Variants in CRPPA observed in about 807,000 individuals in gnomAD.
The protein encoded by CRPPA is CDP-L-ribitol pyrophosphorylase A.
In CRPPA, 43 loss-of-function variants were observed where a neutral mutation model predicts 52.0. That is an observed-to-expected ratio of 0.83 (90% CI 0.65 to 1.07). The LOEUF (loss-of-function observed/expected upper bound fraction) is 1.07, where lower values mean the gene tolerates loss of function less well. Among genes scored for constraint, CRPPA ranks in the 50% least tolerant of loss-of-function variants. The probability of loss-of-function intolerance (pLI) is 0.00; values close to 1 mark genes in which losing one functional copy is unlikely to be tolerated. For missense variants in CRPPA, 629 were observed against 551.7 expected, an observed-to-expected ratio of 1.14 and a Z score of -1.40; for synonymous variants, 250 against 203.5, an observed-to-expected ratio of 1.23 and a Z score of -1.94.
At chr7:16,106,301 C>T (rs1164539575) in intron 9 of CRPPA, among the ~76,000 whole-genome samples, 1 of 152,212 alleles carries the variant, frequency 6.6e-6, no homozygotes, top group Non-Finnish European at 1.5e-5. Flanking sequence ...AGAGCATAGC[C>T]TCTCTTCTGA....
chr7:16,133,068 G>T lies in CRPPA; in HGVS notation c.1252-41269C>A, dbSNP rs534674270. ...GCTACTTGGGATACTGAGGTGGGGG[G>T]ATCACTTGAGCTTGGGATGTCAAAG... On this transcript the variant is annotated intron_variant, in intron 9 of 9. Transcript: ENST00000407010. Among the ~76,000 whole-genome samples the T allele has an allele frequency of 3.2e-4, 39 of 122,530 alleles. 10 individuals carry two copies. The highest frequency in any genetic ancestry group is 1.1e-3 in the Admixed American group (13 of 11,988). 80.4% of individuals were successfully genotyped at this position (122,530 alleles called of 152,430 possible).
At chr7:16,418,874 T>C (rs114827942) in intron 1 of CRPPA, among the ~76,000 whole-genome samples, 2,920 of 152,250 alleles carry the variant, frequency 0.019, 86 homozygotes, top group African/African-American at 0.067. Flanking sequence ...CCTCAGAAGA[T>C]GCAAAAAATT....
intron 8 of CRPPA, among the ~76,000 whole-genome samples, chr7:16,221,298 G>A (rs1230870422): frequency 6.6e-6 from 1 of 152,114 alleles, no homozygotes; most frequent in Non-Finnish European, 1.5e-5. Flanking sequence ...ATCAATTCAA[G>A]ATGGATTAAA....
chr7:16,116,027 T>C (rs146794782), intron 9 of CRPPA, among the ~76,000 whole-genome samples: 140 of 152,300 alleles, frequency 9.2e-4, no homozygotes, highest in African/African-American at 3.1e-3. Flanking sequence ...ACAAGAATCA[T>C]TGATGCATGA....
chr7:16,410,379 A>C (rs931935599), intron 1 of CRPPA, among the ~76,000 whole-genome samples: 7 of 152,220 alleles, frequency 4.6e-5, no homozygotes, highest in African/African-American at 1.7e-4. Flanking sequence ...TGCAGAACTT[A>C]GACTGCACTC....
At chr7:16,095,883 G>A (rs934970609) in intron 9 of CRPPA, among the ~76,000 whole-genome samples, 4 of 152,162 alleles carry the variant, frequency 2.6e-5, no homozygotes, top group Non-Finnish European at 1.5e-5. Flanking sequence ...CATGCCCAAG[G>A]AGAAACTCAA....
intron 8 of CRPPA, among the ~76,000 whole-genome samples, chr7:16,240,745 T>C (rs1279043870): frequency 3.9e-5 from 6 of 152,154 alleles, no homozygotes; most frequent in Non-Finnish European, 7.4e-5. Flanking sequence ...AAAACACATT[T>C]TCCTAGTCTA....
intron 9 of CRPPA, among the ~76,000 whole-genome samples, chr7:16,170,857 G>T (rs903241668): frequency 6.6e-6 from 1 of 152,196 alleles, no homozygotes. Context: ...GCCGGCAGCC[G>T]CTCCGAGTGT....
At position 16,108,135 on chromosome 7, in the gene CRPPA, C is replaced by G. The variant is rs551022510; in HGVS notation, c.1252-16336G>C. Reference sequence around the variant, plus strand: ...ATGGCAGTAGTAAATCCTTACCTATCAATAATTGCCAAGAACATAAATGAA... The same window carrying G: ...ATGGCAGTAGTAAATCCTTACCTATGAATAATTGCCAAGAACATAAATGAA... On this transcript the variant is annotated intron_variant, in intron 9 of 9. Coordinates refer to ENST00000407010, the MANE Select transcript of CRPPA (RefSeq NM_001101426.4). Among the ~76,000 whole-genome samples, 15 of 152,016 alleles carry G rather than the reference C, an allele frequency of 9.9e-5. No homozygotes were observed. The East Asian group carries it at 2.9e-3, about 29-fold the overall frequency.
chr7:16,102,472 A>G (rs1185901713), intron 9 of CRPPA, among the ~76,000 whole-genome samples: 2 of 152,172 alleles, frequency 1.3e-5, no homozygotes, highest in African/African-American at 4.8e-5. Flanking sequence ...CTAATTAACT[A>G]AAGCACTTCT....
intron 1 of CRPPA, among the ~76,000 whole-genome samples, chr7:16,419,376 G>A (rs576469161): frequency 2.5e-4 from 38 of 152,304 alleles, no homozygotes; most frequent in Admixed American, 2.3e-3. Flanking sequence ...GGCATAGGCC[G>A]AACTAACCTT....
chr7:16,331,251 G>A (rs557991923), intron 3 of CRPPA, among the ~76,000 whole-genome samples: 77 of 152,128 alleles, frequency 5.1e-4, no homozygotes, highest in Non-Finnish European at 7.9e-4. Context: ...CGCCTGCCTC[G>A]GCCTCCCAAA....
At chr7:16,125,128 C>T (rs1372149567) in intron 9 of CRPPA, among the ~76,000 whole-genome samples, 3 of 151,610 alleles carry the variant, frequency 2.0e-5, no homozygotes, top group African/African-American at 4.8e-5. Flanking sequence ...GGCATGGTGG[C>T]GCACGCCTGC....
chr7:16,219,348 C>G (rs1782433025), intron 8 of CRPPA, among the ~76,000 whole-genome samples: 1 of 133,658 alleles, frequency 7.5e-6, no homozygotes, highest in Admixed American at 8.0e-5. Context: ...CAGGAAAGAT[C>G]CAAAATTGAC....
rs1463920056 is a variant in CRPPA at position 16,387,090 on chromosome 7, C to CATATATATATATAT, written c.535-10850_535-10849insATATATATATATAT. 1.2e-3 allele frequency among the ~76,000 whole-genome samples: 53 copies of CATATATATATATAT among 43,156 alleles called. 1 individual carries two copies. The highest frequency in any genetic ancestry group is 4.7e-3 in the African/African-American group (50 of 10,596). 28.3% of individuals were successfully genotyped at this position (43,156 alleles called of 152,430 possible). On this transcript the variant is annotated intron_variant, in intron 2 of 9. Transcript: ENST00000407010. ...ATATATATATATATATATATATACACACATATATATATGTATATACACACA... is the reference window on the plus strand; with the variant it reads ...ATATATATATATATATATATATACACATATATATATATATACATATATATATGTATATACACACA...
chr7:16,216,457 A>C (rs571877417), intron 8 of CRPPA: 1 of 328,590 alleles, frequency 3.0e-6, no homozygotes, highest in South Asian at 3.2e-5. Context: ...CCGAGTAGGA[A>C]CAGCTCCGGT....
intron 9 of CRPPA, among the ~76,000 whole-genome samples, chr7:16,118,413 C>T (rs1364717147): frequency 6.6e-6 from 1 of 152,146 alleles, no homozygotes; most frequent in Non-Finnish European, 1.5e-5. Flanking sequence ...TGATCTGAAC[C>T]CTAGACAAGG....
At chr7:16,394,410 T>A (rs911863334) in intron 2 of CRPPA, among the ~76,000 whole-genome samples, 1 of 152,116 alleles carries the variant, frequency 6.6e-6, no homozygotes, top group African/African-American at 2.4e-5. Context: ...GCCAAAACAT[T>A]CTTCAGGAAA....
chr7:16,302,988 A>G (rs17169410), intron 4 of CRPPA, among the ~76,000 whole-genome samples: 3,225 of 152,260 alleles, frequency 0.021, 105 homozygotes, highest in African/African-American at 0.072. Flanking sequence ...TGTAAAAGTT[A>G]GATGGAAAAA....
Sources: allele counts gnomAD v4.1 joint callset (sites outside exome capture counted in the v4.1 genomes callset), GRCh38; gene constraint gnomAD v4.1.1; transcripts MANE v1.5; gene names NCBI Gene and HGNC (gene_info 2026-07-23, HGNC 2026-07-21).